Variants in PDE4D observed in about 807,000 individuals in gnomAD.
PDE4D encodes the protein 3',5'-cyclic-AMP phosphodiesterase 4D.
In PDE4D, 24 loss-of-function variants were observed where a neutral mutation model predicts 87.4. That is an observed-to-expected ratio of 0.27 (90% CI 0.20 to 0.39). PDE4D has a LOEUF of 0.39. PDE4D is among the 10% of genes least tolerant of loss of function. The pLI is 1.00. For synonymous variants in PDE4D, 384 were observed against 383.2 expected, an observed-to-expected ratio of 1.00 and a Z score of -0.02; for missense variants, 714 against 1,041.0, an observed-to-expected ratio of 0.69 and a Z score of 4.32.
chr5:59,953,183 C>T (rs575039477), intron 3 of PDE4D, among the ~76,000 whole-genome samples: 50 of 152,092 alleles, frequency 3.3e-4, no homozygotes, highest in Admixed American at 9.2e-4. Flanking sequence ...TATGTTCTAG[C>T]CACTTATGTA....
At chr5:59,887,479 G>A (rs1179196172) in intron 1 of PDE4D, among the ~76,000 whole-genome samples, 1 of 152,138 alleles carries the variant, frequency 6.6e-6, no homozygotes, top group Non-Finnish European at 1.5e-5. Flanking sequence ...GCCAGTACTA[G>A]CAGCATTCAA....
At chr5:60,295,850 C>A (rs1365713365) in intron 1 of PDE4D, among the ~76,000 whole-genome samples, 2 of 152,166 alleles carry the variant, frequency 1.3e-5, no homozygotes, top group Non-Finnish European at 2.9e-5. Flanking sequence ...CTGTCTTAGT[C>A]CACCTGGGCT....
rs138864858 is a variant in PDE4D at position 59,682,048 on chromosome 5, G to A, written c.455+211120C>T. On this transcript the variant is annotated intron_variant, in intron 1 of 14. Transcript: ENST00000340635. ...TGAACTTCTCAGCCTCCAGAACCATGAGCCAAATAAATTCTATTCATTATA... is the reference window on the plus strand; with the variant it reads ...TGAACTTCTCAGCCTCCAGAACCATAAGCCAAATAAATTCTATTCATTATA... Among the ~76,000 whole-genome samples, 124 of 152,108 alleles carry A rather than the reference G, an allele frequency of 8.2e-4. 2 individuals are homozygous for A. Among genetic ancestry groups the A allele is most frequent in the African/African-American group, 2.9e-3 (122 of 41,496 alleles).
chr5:60,117,827 C>T (rs1408082667), intron 2 of PDE4D, among the ~76,000 whole-genome samples: 1 of 149,740 alleles, frequency 6.7e-6, no homozygotes, highest in Non-Finnish European at 1.5e-5. Flanking sequence ...CACACACATA[C>T]ACACACACAC....
intron 1 of PDE4D, among the ~76,000 whole-genome samples, chr5:59,747,416 G>A (rs769264059): frequency 2.5e-4 from 38 of 152,108 alleles, no homozygotes; most frequent in Admixed American, 7.2e-4. Flanking sequence ...TTTTCAAACC[G>A]TGCTTGTTGT....
chr5:59,609,943 T>C (rs17380508), intron 1 of PDE4D, among the ~76,000 whole-genome samples: 8,921 of 152,206 alleles, frequency 0.059, 360 homozygotes, highest in Middle Eastern at 0.12. Context: ...TCCTAGAATT[T>C]GAGAGCTCCA....
At chr5:59,985,124 G>GTGTTT (rs1762289735) in intron 3 of PDE4D, among the ~76,000 whole-genome samples, 1 of 111,352 alleles carries the variant, frequency 9.0e-6, no homozygotes, top group African/African-American at 2.8e-5. Flanking sequence ...TTCACCTTTC[G>GTGTTT]TTTTTTGTTT....
At chr5:60,231,603 C>A (rs1745818957) in intron 1 of PDE4D, among the ~76,000 whole-genome samples, 1 of 152,010 alleles carries the variant, frequency 6.6e-6, no homozygotes, top group African/African-American at 2.4e-5. Flanking sequence ...ATGCCTTGAA[C>A]AATACACGGG....
At chr5:59,630,916 T>C (rs1831484977) in intron 1 of PDE4D, among the ~76,000 whole-genome samples, 1 of 152,142 alleles carries the variant, frequency 6.6e-6, no homozygotes, top group Non-Finnish European at 1.5e-5. Flanking sequence ...TTCCTGACGC[T>C]CGGTTTTTTT....
intron 1 of PDE4D, among the ~76,000 whole-genome samples, chr5:60,507,870 T>C (rs1207733350): frequency 6.6e-6 from 1 of 152,194 alleles, no homozygotes; most frequent in Admixed American, 6.5e-5. Flanking sequence ...CCCTTGGAGC[T>C]CATCCTGGAA....
At chr5:59,520,501 G>A (rs917156153) in intron 1 of PDE4D, among the ~76,000 whole-genome samples, 5 of 152,134 alleles carry the variant, frequency 3.3e-5, no homozygotes, top group South Asian at 2.1e-4. Flanking sequence ...GAAGATCTAC[G>A]TGGGAAGTGC....
At chr5:59,073,582 A>G (rs1350067645) in intron 5 of PDE4D, among the ~76,000 whole-genome samples, 1 of 151,906 alleles carries the variant, frequency 6.6e-6, no homozygotes, top group African/African-American at 2.4e-5. Flanking sequence ...TTTATAATGC[A>G]CCAACTTGTA....
intron 1 of PDE4D, among the ~76,000 whole-genome samples, chr5:59,608,748 A>T (rs1428371181): frequency 4.6e-5 from 7 of 152,088 alleles, no homozygotes; most frequent in Admixed American, 2.6e-4. Flanking sequence ...TTTAACATAC[A>T]TCTTTGTAGA....
chr5:59,086,628 A>G (rs1247325053), intron 5 of PDE4D, among the ~76,000 whole-genome samples: 1 of 152,102 alleles, frequency 6.6e-6, no homozygotes, highest in East Asian at 1.9e-4. Context: ...ATAAATTTCT[A>G]TCTGGATGTG....
intron 1 of PDE4D, among the ~76,000 whole-genome samples, chr5:60,391,126 G>T (rs1379454762): frequency 1.3e-5 from 2 of 152,082 alleles, no homozygotes; most frequent in Non-Finnish European, 2.9e-5. Flanking sequence ...ATGAAGGCAA[G>T]ATTTTTTATG....
intron 5 of PDE4D, 97 bp downstream of exon 5, chr5:59,180,498 A>T: frequency 1.1e-6 from 1 of 929,130 alleles, no homozygotes; most frequent in Non-Finnish European, 1.7e-6. Context: ...TAACATTTTC[A>T]AATTGCAGCA....
At chr5:59,526,523 C>G (rs893804842) in intron 1 of PDE4D, among the ~76,000 whole-genome samples, 1 of 152,202 alleles carries the variant, frequency 6.6e-6, no homozygotes, top group South Asian at 2.1e-4. Flanking sequence ...TTATCTACAA[C>G]AATTACTGTT....
At chr5:59,974,867 C>T (rs908024113) in intron 3 of PDE4D, among the ~76,000 whole-genome samples, 12 of 152,208 alleles carry the variant, frequency 7.9e-5, no homozygotes, top group African/African-American at 2.9e-4. Context: ...GATCCCTTTT[C>T]CCATGGCAAA....
intron 1 of PDE4D, among the ~76,000 whole-genome samples, chr5:59,704,807 T>C (rs1229824282): frequency 4.6e-5 from 7 of 152,150 alleles, no homozygotes; most frequent in African/African-American, 1.2e-4. Context: ...TAAGAGACAA[T>C]GTAGACATAA....
Sources: allele counts gnomAD v4.1 joint callset (sites outside exome capture counted in the v4.1 genomes callset), GRCh38; gene constraint gnomAD v4.1.1; transcripts MANE v1.5; gene names NCBI Gene and HGNC (gene_info 2026-07-23, HGNC 2026-07-21).